The following KIF13B variants were observed in gnomAD, a reference collection of about 807,000 sequenced individuals.
KIF13B encodes the protein kinesin family member 13B.
A neutral mutation model predicts 222.0 loss-of-function variants in KIF13B; 127 were observed. The observed-to-expected ratio is 0.57, with a 90% confidence interval of 0.50 to 0.66. KIF13B has a LOEUF of 0.66. Ranked by LOEUF, KIF13B falls within the 30% of genes least tolerant of loss-of-function variation. KIF13B has a pLI of 0.00. For missense variants in KIF13B, 2,173 were observed against 2,379.0 expected, an observed-to-expected ratio of 0.91 and a Z score of 1.80; for synonymous variants, 976 against 919.0, an observed-to-expected ratio of 1.06 and a Z score of -1.12.
At chr8:29,150,152 C>T in intron 15 of KIF13B, 145 bp downstream of exon 15, 3 of 567,598 alleles carry the variant, frequency 5.3e-6, no homozygotes, top group South Asian at 2.0e-5. Flanking sequence ...CACACACACA[C>T]ATATATAATA....
chr8:29,223,178 AC>A (rs68162434), intron 2 of KIF13B, among the ~76,000 whole-genome samples: 3,124 of 135,884 alleles, frequency 0.023, 64 homozygotes, highest in Non-Finnish European at 0.04. Flanking sequence ...AAAAAAAAAA[AC>A]AAAAAAAAAA....
intron 2 of KIF13B, among the ~76,000 whole-genome samples, chr8:29,237,389 C>T (rs1815560687): frequency 1.3e-5 from 2 of 151,966 alleles, no homozygotes; most frequent in Admixed American, 1.3e-4. Context: ...ATGCTGAGTC[C>T]AGAATTCTAG....
At chr8:29,240,140 T>A (rs1433881283) in intron 2 of KIF13B, among the ~76,000 whole-genome samples, 2 of 151,902 alleles carry the variant, frequency 1.3e-5, no homozygotes, top group Non-Finnish European at 2.9e-5. Context: ...TTTTAACATT[T>A]TTTTTTTGGT....
rs1554589147 is a variant in KIF13B at position 29,071,478 on chromosome 8, G to GCCGCT, written c.5218+137_5218+141dup. 92 of 709,848 alleles carry GCCGCT rather than the reference G, an allele frequency of 1.3e-4. No individual in the cohort carries two copies. In the Admixed American group the frequency reaches 2.5e-3, roughly 19 times the overall value. 44.0% of individuals were successfully genotyped at this position (709,848 alleles called of 1,614,324 possible). ...CCCCAGCCTCACCCCTGCAGGCCCAGCCGCTCCCGCAGCTTCAGCCAAGCC... is the reference window on the plus strand; with the variant it reads ...CCCCAGCCTCACCCCTGCAGGCCCAGCCGCTCCGCTCCCGCAGCTTCAGCCAAGCC... On this transcript the variant is annotated intron_variant, in intron 39 of 39. Coordinates refer to ENST00000524189, the MANE Select transcript of KIF13B (RefSeq NM_015254.4). This position sits in a 1 kb window ranked among gnomAD's most constrained non-coding sequence, Gnocchi z 4.9.
chr8:29,240,067 T>C (rs1397737161), intron 2 of KIF13B, among the ~76,000 whole-genome samples: 3 of 149,828 alleles, frequency 2.0e-5, no homozygotes, highest in East Asian at 3.9e-4. Context: ...ACAGGAAATT[T>C]GATAAAATAC....
intron 2 of KIF13B, among the ~76,000 whole-genome samples, chr8:29,204,512 G>A (rs1434091034): frequency 6.6e-6 from 1 of 152,000 alleles, no homozygotes; most frequent in East Asian, 1.9e-4. Flanking sequence ...AGCAGTTCAG[G>A]ACCAACACTG....
At position 29,092,189 on chromosome 8, in the gene KIF13B, T is replaced by C. The variant is rs535428977; in HGVS notation, c.4458+556A>G. On this transcript the variant is annotated intron_variant, in intron 37 of 39. Coordinates refer to ENST00000524189, the MANE Select transcript of KIF13B (RefSeq NM_015254.4). ...TTTCCAATGGGGTTCCCATTCACTA[T>C]TGCATAAGAGCAGCTTCCTGATTGT... 2.6e-5 allele frequency among the ~76,000 whole-genome samples: 4 copies of C among 152,362 alleles called. No individual in the cohort carries two copies. In the South Asian group the frequency reaches 6.2e-4, roughly 24 times the overall value.
At position 29,092,755 on chromosome 8, in the gene KIF13B, A is replaced by T; in HGVS notation, c.4448T>A (p.Leu1483His). Residue 1483 changes from leucine (L) to histidine (H), a missense_variant, in exon 37 of 40, where the codon CTC (leucine) becomes CAC (histidine). Leu to His is a moderately conservative substitution (Grantham distance 99). Transcript: ENST00000524189. Reference protein sequence around the residue: ...DEKRGKRPSPLAHQPVPRIMV... With the variant: ...DEKRGKRPSPHAHQPVPRIMV... ...CTCGGTGCTTTTTACCTGGTGTGCGAGGGGAGACGGCCGCTTGCCCCTCTT... is the reference window on the plus strand; with the variant it reads ...CTCGGTGCTTTTTACCTGGTGTGCGTGGGGAGACGGCCGCTTGCCCCTCTT... The T allele has an allele frequency of 6.2e-7, 1 of 1,612,600 alleles. No homozygotes were observed. The highest frequency in any genetic ancestry group is 8.5e-7 in the Non-Finnish European group (1 of 1,179,488).
At chr8:29,090,675 AC>A (rs1808257600) in intron 37 of KIF13B, among the ~76,000 whole-genome samples, 1 of 152,066 alleles carries the variant, frequency 6.6e-6, no homozygotes, top group African/African-American at 2.4e-5. Flanking sequence ...CTTCATCAAG[AC>A]CAGTTTTAGA....
rs1174078500 is a variant in KIF13B at position 29,148,763 on chromosome 8, T to G, written c.1627A>C (p.Asn543His). ...GCTTTCTTTTTCTTTTTAGGCAAAT[T>G]GAGTCTTGGTGGGAAAAAGAGTATT... ...LWGNNHFFRL[N>H]LPKKKKKAER... Residue 543 changes from asparagine (N) to histidine (H), a missense_variant, in exon 16 of 40, where the codon AAT (asparagine) becomes CAT (histidine). This residue lies in a region of KIF13B where 1,480 missense variants were observed against 1,722.8 expected (regional missense o/e 0.86). Transcript: ENST00000524189. 5 of 1,587,662 alleles carry G rather than the reference T, an allele frequency of 3.1e-6. No individual in the cohort carries two copies. In the East Asian group the frequency reaches 9.0e-5, roughly 29 times the overall value.
At chr8:29,087,010 C>G (rs570511944) in intron 37 of KIF13B, among the ~76,000 whole-genome samples, 1 of 152,352 alleles carries the variant, frequency 6.6e-6, no homozygotes, top group South Asian at 2.1e-4. Flanking sequence ...GGATGCCTCA[C>G]GCAGAGCCGT....
chr8:29,105,771 G>A (rs1001979968), intron 35 of KIF13B, among the ~76,000 whole-genome samples: 1 of 139,990 alleles, frequency 7.1e-6, no homozygotes, highest in Non-Finnish European at 1.5e-5. Context: ...AAATTCTCCT[G>A]CCTCAGCCTT....
chr8:29,109,682 A>C (rs1809263607), intron 33 of KIF13B, among the ~76,000 whole-genome samples, 171 bp from the exon 34 acceptor site: 1 of 152,342 alleles, frequency 6.6e-6, no homozygotes, highest in South Asian at 2.1e-4. Context: ...ACAGCACATG[A>C]GCTCCATAAA....
Position 29,099,332 on chromosome 8 carries a change from T to C in KIF13B, c.4216-91A>G, listed in dbSNP as rs998772514. The C allele has an allele frequency of 9.8e-6, 8 of 820,218 alleles. No individual in the cohort carries two copies. The African/African-American group carries it at 1.2e-4, about 12-fold the overall frequency. The allele number at this position is 820,218 out of a possible 1,614,324, so 50.8% of individuals were successfully genotyped here. ...AGATACTCAAGAAAAAAAACTGTTA[T>C]ATATTACTAAAGCTCCTTTGAATAT... On this transcript the variant is annotated intron_variant, in intron 35 of 39. Coordinates refer to ENST00000524189, the MANE Select transcript of KIF13B (RefSeq NM_015254.4).
intron 24 of KIF13B, among the ~76,000 whole-genome samples, chr8:29,128,237 T>C (rs186663790): frequency 1.3e-5 from 2 of 151,964 alleles, no homozygotes; most frequent in Middle Eastern, 3.4e-3. Flanking sequence ...GAAGTAATAT[T>C]TTAAAAGAGA....
chr8:29,123,595 A>C (rs755966554), intron 27 of KIF13B, 103 bp from the exon 28 acceptor site: 166 of 1,447,028 alleles, frequency 1.1e-4, no homozygotes, highest in Non-Finnish European at 1.5e-4. Context: ...TTATTAGCTC[A>C]CAAGTGCTCC....
chr8:29,191,012 T>G lies in KIF13B; in HGVS notation c.208A>C (p.Lys70Gln), dbSNP rs772116769. The change falls in exon 4 of 40, where the codon AAA becomes CAA. Residue 70 changes from lysine to glutamine, a missense_variant. Transcript: ENST00000524189. ...HCFWSMDESV[K>Q]EKYAGQDIVF... ...ATTCTATTACCTGCATACTTTTCTT[T>G]GACAGATTCATCCATAGACCAGAAA... The G allele has an allele frequency of 9.3e-6, 15 of 1,612,910 alleles. No homozygotes were observed. Among genetic ancestry groups the G allele is most frequent in the Non-Finnish European group, 1.3e-5 (15 of 1,179,160 alleles).
intron 2 of KIF13B, among the ~76,000 whole-genome samples, chr8:29,216,953 T>C (rs1171511411): frequency 6.6e-6 from 1 of 151,774 alleles, no homozygotes; most frequent in African/African-American, 2.4e-5. Context: ...TCGACGTATA[T>C]TCAGTCCAAA....
intron 35 of KIF13B, among the ~76,000 whole-genome samples, 196 bp from the exon 36 acceptor site, chr8:29,099,437 G>A (rs1563698881): frequency 6.6e-6 from 1 of 152,004 alleles, no homozygotes; most frequent in Non-Finnish European, 1.5e-5. Flanking sequence ...GCAGGGGTGC[G>A]CCATCATAGC....
Sources: gnomAD v4.1 joint callset for allele counts (sites outside exome capture counted in the v4.1 genomes callset) on GRCh38, gnomAD v4.1.1 for gene constraint, gnomAD v4.1.1 regional missense constraint, Gnocchi (gnomAD v3.1) non-coding constraint, MANE v1.5 for transcripts, NCBI Gene and HGNC (gene_info 2026-07-23, HGNC 2026-07-21) for gene names.